The following C2 variants were observed in gnomAD, a reference collection of about 807,000 sequenced individuals.
C2 encodes the protein complement C2, also known as C3/C5 convertase.
A neutral mutation model predicts 85.2 loss-of-function variants in C2; 64 were observed. The observed-to-expected ratio is 0.75, with a 90% CI of 0.61 to 0.92. C2 has a LOEUF of 0.92. C2 is among the 40% of genes least tolerant of loss of function. C2 has a pLI of 0.00. For missense variants in C2, 820 were observed against 971.6 expected (o/e 0.84, Z 2.07); for synonymous variants, 311 against 370.8 (o/e 0.84, Z 1.85).
At chr6:31,910,171 G>A (rs1191690655) in intron 1 of C2, among the ~76,000 whole-genome samples, 1 of 151,142 alleles carries the variant, frequency 6.6e-6, no homozygotes, top group African/African-American at 2.4e-5. Flanking sequence ...GAGCCACCGC[G>A]CCTGGCTTGT....
In C2 at chr6:31,943,704, G is replaced by A; in HGVS notation, c.1628G>A (p.Gly543Glu). The A allele has an allele frequency of 1.2e-6, 2 of 1,613,070 alleles. No individual in the cohort carries two copies. Among genetic ancestry groups the A allele is most frequent in the African/African-American group, 1.3e-5 (1 of 75,042 alleles). ...ATTGAGAAGGCGGTGATCTCCCCAG[G>A]GTTTGATGTCTTTGCCAAAAAGAAC... ...FLIEKAVISP[G>E]FDVFAKKNQG... is the part of the protein sequence containing the mutation. The change falls in exon 13 of 18, where the codon GGG (glycine) becomes GAG (glutamate). Residue 543 changes from glycine to glutamate, a missense_variant. Coordinates refer to ENST00000299367, the MANE Select transcript of C2 (RefSeq NM_000063.6). The surrounding 1 kb of genome is among the most constrained non-coding windows in gnomAD (Gnocchi z 6.4).
At chr6:31,901,511 G>A (rs1767265986) in intron 1 of C2, among the ~76,000 whole-genome samples, 1 of 152,032 alleles carries the variant, frequency 6.6e-6, no homozygotes, top group Non-Finnish European at 1.5e-5. Context: ...CGTGGTTCTC[G>A]GGGGCGGGGC....
In C2 at chr6:31,930,345, G is replaced by A. The variant is rs553653281; in HGVS notation, c.442+1428G>A. Among the ~76,000 whole-genome samples, 10 of 152,266 alleles carry A rather than the reference G, an allele frequency of 6.6e-5. No homozygotes were observed. The South Asian group carries it at 2.1e-3, about 32-fold the overall frequency. On this transcript the variant is annotated intron_variant, in intron 3 of 17. Coordinates refer to ENST00000299367, the MANE Select transcript of C2 (RefSeq NM_000063.6). ...ATTCTGCCCACCTTGGCCTCCCAAAGTGCTGGGATTACAGGCGTGAGCCAC... is the reference window on the plus strand; with the variant it reads ...ATTCTGCCCACCTTGGCCTCCCAAAATGCTGGGATTACAGGCGTGAGCCAC...
At chr6:31,924,157 T>G (rs1186393092), upstream of C2, among the ~76,000 whole-genome samples, 1 of 152,234 alleles carries the variant, frequency 6.6e-6, no homozygotes, top group Non-Finnish European at 1.5e-5. Flanking sequence ...TTACTGTATT[T>G]TAGGGTCTCT....
rs886360667 is a variant in C2, at chr6:31,934,269, C to T, written c.819C>T (p.Phe273=). Residue 273 remains phenylalanine (F), a synonymous_variant, in exon 6 of 18, where the codon TTC becomes TTT. Coordinates refer to ENST00000299367, the MANE Select transcript of C2 (RefSeq NM_000063.6). ...QSVSENDFLI[F]KESASLMVDR... ...TGTCGGAAAATGACTTTCTCATCTTCAAGGAGAGCGCCTCCCTCATGGTGG... is the reference window on the plus strand; with the variant it reads ...TGTCGGAAAATGACTTTCTCATCTTTAAGGAGAGCGCCTCCCTCATGGTGG... 3.3e-5 allele frequency: 54 copies of T among 1,614,050 alleles called. No individual in the cohort carries two copies. Among genetic ancestry groups the T allele is most frequent in the Non-Finnish European group, 4.0e-5 (47 of 1,180,028 alleles).
At chr6:31,934,386 C>A in intron 6 of C2, 87 bp downstream of exon 6, 1 of 1,534,126 alleles carries the variant, frequency 6.5e-7, no homozygotes, top group Non-Finnish European at 9.0e-7. Context: ...GAACCCCACT[C>A]ACAGCCCACC....
intron 1 of C2, among the ~76,000 whole-genome samples, chr6:31,912,356 A>G (rs73404147): frequency 0.031 from 4,755 of 152,282 alleles, 220 homozygotes; most frequent in African/African-American, 0.11. Flanking sequence ...ATACTTGACC[A>G]CACTGTTTGA....
In C2 at chr6:31,928,066, A is replaced by T. The variant is rs773595474; in HGVS notation, c.158A>T (p.Gln53Leu). The change falls in exon 2 of 18, where the codon CAG becomes CTG. Residue 53 changes from glutamine to leucine, a missense_variant. Coordinates refer to ENST00000299367, the MANE Select transcript of C2 (RefSeq NM_000063.6). ...PGSLLTYSCP[Q>L]GLYPSPASRL... ...AGCCTTCTCACCTACTCCTGCCCCC[A>T]GGGCCTGTACCCATCCCCAGCATCA... 8 of 1,613,850 alleles carry T rather than the reference A, an allele frequency of 5.0e-6. No homozygotes were observed. In the East Asian group the frequency reaches 1.8e-4, roughly 36 times the overall value.
chr6:31,905,106 T>C (rs1767629316), intron 1 of C2, among the ~76,000 whole-genome samples: 1 of 151,980 alleles, frequency 6.6e-6, no homozygotes, highest in African/African-American at 2.4e-5. Context: ...TGCCTTGGTG[T>C]GGTGTCAAGA....
Position 31,933,614 on chromosome 6 carries a change from C to T in C2, c.447C>T (p.Gly149=). The change falls in exon 4 of 18, where the codon GGC becomes GGT. Residue 149 remains glycine (G), a synonymous_variant. Transcript: ENST00000299367. ...CCTTCCTTTGTTCACTCGCAGCTGG[C>T]CACTGCCCCAACCCAGGCATTTCAC... The part of the protein sequence containing the change: ...GETAVCDNGA[G]HCPNPGISLG... 2 of 1,613,036 alleles carry T rather than the reference C, an allele frequency of 1.2e-6. No individual in the cohort carries two copies. The highest frequency in any genetic ancestry group is 8.5e-7 in the Non-Finnish European group (1 of 1,180,042).
chr6:31,939,292 C>T lies in C2; in HGVS notation c.1191C>T (p.Asn397=), dbSNP rs1207876026. ...TTGACCATATCAGAGAGATCCTGAA[C>T]ATCAACCAGAAGAGGAATGACTATC... ...TAVDHIREIL[N]INQKRNDYLD... Residue 397 remains asparagine (N), a synonymous_variant, in exon 9 of 18, where the codon AAC becomes AAT. Coordinates refer to ENST00000299367, the MANE Select transcript of C2 (RefSeq NM_000063.6). 1.9e-6 allele frequency: 3 copies of T among 1,612,400 alleles called. No homozygotes were observed. The highest frequency in any genetic ancestry group is 2.7e-5 in the African/African-American group (2 of 74,914).
upstream of C2, chr6:31,927,441 G>C (rs1769340257): frequency 7.4e-7 from 1 of 1,343,070 alleles, no homozygotes. This position sits in a 1 kb window ranked among gnomAD's most constrained non-coding sequence, Gnocchi z 4.7. Flanking sequence ...TTGTGAGCAT[G>C]CGTGTATGGT....
intron 8 of C2, 104 bp from the exon 9 acceptor site, chr6:31,939,127 C>A: frequency 1.2e-6 from 1 of 819,836 alleles, no homozygotes; most frequent in Non-Finnish European, 2.2e-6. Context: ...CTCTCACAGG[C>A]AATGTAAATG....
At chr6:31,916,231 G>A (rs1475703451), upstream of C2, among the ~76,000 whole-genome samples, 2 of 152,160 alleles carry the variant, frequency 1.3e-5, no homozygotes, top group African/African-American at 4.8e-5. Flanking sequence ...GCTATAGGGA[G>A]TGTGAGATCC....
At chr6:31,923,300 TG>T (rs1186736428), upstream of C2, among the ~76,000 whole-genome samples, 1 of 151,344 alleles carries the variant, frequency 6.6e-6, no homozygotes, top group Non-Finnish European at 1.5e-5. Context: ...AATGGAAGAG[TG>T]GGGTGGGAGG....
At chr6:31,928,328 G>A (rs755971000) in intron 2 of C2, 164 bp downstream of exon 2, 15 of 711,336 alleles carry the variant, frequency 2.1e-5, no homozygotes, top group Non-Finnish European at 3.7e-5. Context: ...CAGTAGCAAG[G>A]AATTGGGAAC....
chr6:31,900,881 C>T (rs759587367), upstream of C2: 2 of 1,613,768 alleles, frequency 1.2e-6, no homozygotes, highest in South Asian at 1.1e-5. The surrounding 1 kb of genome is among the most constrained non-coding windows in gnomAD (Gnocchi z 9.7). Context: ...GCTCACAAGG[C>T]TAGCCTCACT....
chr6:31,907,564 T>C, intron 1 of C2, among the ~76,000 whole-genome samples: 1 of 114,214 alleles, frequency 8.8e-6, no homozygotes, highest in East Asian at 2.4e-4. Context: ...GCTTGGGTGA[T>C]GGCGCAAGAC....
At chr6:31,902,472 C>A (rs1767424215) in intron 1 of C2, among the ~76,000 whole-genome samples, 2 of 152,182 alleles carry the variant, frequency 1.3e-5, no homozygotes, top group Non-Finnish European at 2.9e-5. Flanking sequence ...CGTCTCCGGT[C>A]CAGCTGTGCC....
Sources: gnomAD v4.1 joint callset for allele counts (sites outside exome capture counted in the v4.1 genomes callset) on GRCh38, gnomAD v4.1.1 for gene constraint, Gnocchi (gnomAD v3.1) non-coding constraint, MANE v1.5 for transcripts, NCBI Gene and HGNC (gene_info 2026-07-23, HGNC 2026-07-21) for gene names.